RBFOX1: variants seen among roughly 807,000 people sequenced by gnomAD.
The protein encoded by RBFOX1 is RNA binding fox-1 homolog 1, also known as RNA binding protein fox-1 homolog 1.
Under a neutral mutation model 57.7 loss-of-function variants are expected in RBFOX1, and 8 were observed. That is an observed-to-expected ratio of 0.14 (90% CI 0.08 to 0.25). The LOEUF is 0.25. Among genes scored for constraint, RBFOX1 ranks in the 10% least tolerant of loss-of-function variants. The pLI is 1.00. For missense variants in RBFOX1, 611 were observed against 548.5 expected, an observed-to-expected ratio of 1.11 and a Z score of -1.14; for synonymous variants, 326 against 222.4, an observed-to-expected ratio of 1.47 and a Z score of -4.15.
intron 4 of RBFOX1, among the ~76,000 whole-genome samples, chr16:5,950,420 A>G (rs2059496001): frequency 6.6e-6 from 1 of 152,206 alleles, no homozygotes; most frequent in African/African-American, 2.4e-5. Context: ...TCACATTGGC[A>G]GTTCCACATT....
chr16:6,019,690 T>G lies in RBFOX1; in HGVS notation c.-429T>G. 1 of 1,339,650 alleles carries G rather than the reference T, an allele frequency of 7.5e-7. No individual in the cohort carries two copies. The highest frequency in any genetic ancestry group is 9.6e-7 in the Non-Finnish European group (1 of 1,045,538). 83.0% of individuals were successfully genotyped at this position (1,339,650 alleles called of 1,614,324 possible). On this transcript the variant is annotated 5_prime_UTR_variant, in exon 1 of 16. Transcript: ENST00000550418. The surrounding 1 kb of genome is among the most constrained non-coding windows in gnomAD (Gnocchi z 4.2). The stretch of plus-strand genomic sequence containing the variant: ...CGTCCGGAGCAGGAGAACTCCGAGC[T>G]TCTTGCCCAGGCAGAGAGAGCAGGA...
At chr16:6,154,078 G>T (rs1453674401) in intron 1 of RBFOX1, among the ~76,000 whole-genome samples, 1 of 152,188 alleles carries the variant, frequency 6.6e-6, no homozygotes, top group Admixed American at 6.5e-5. Flanking sequence ...GCATAGCCTG[G>T]TGATTCACAC....
chr16:5,352,712 G>A (rs977003837), intron 1 of RBFOX1, among the ~76,000 whole-genome samples: 1 of 152,216 alleles, frequency 6.6e-6, no homozygotes, highest in Non-Finnish European at 1.5e-5. Flanking sequence ...GGAGGCCAAG[G>A]TGGGGGGATT....
At chr16:7,510,162 C>A (rs554533784) in intron 4 of RBFOX1, 2 of 985,820 alleles carry the variant, frequency 2.0e-6, no homozygotes, top group East Asian at 1.1e-4. Context: ...CTCAGCCCCC[C>A]ACCTTCCTCA....
intron 1 of RBFOX1, among the ~76,000 whole-genome samples, chr16:5,317,189 C>A (rs2064264593): frequency 6.6e-6 from 1 of 152,038 alleles, no homozygotes; most frequent in South Asian, 2.1e-4. Context: ...CTTAATAAAT[C>A]CTTTCTTCTC....
intron 2 of RBFOX1, among the ~76,000 whole-genome samples, chr16:5,557,175 G>T (rs560171123): frequency 1.3e-5 from 2 of 152,078 alleles, no homozygotes; most frequent in South Asian, 4.2e-4. Flanking sequence ...CAGGAAAGTC[G>T]TTTGAACCCA....
chr16:6,576,068 C>T (rs1040138768), intron 2 of RBFOX1, among the ~76,000 whole-genome samples: 4 of 152,104 alleles, frequency 2.6e-5, no homozygotes, highest in African/African-American at 9.7e-5. Context: ...GCATGGCAGG[C>T]TCACTGGGCA....
intron 5 of RBFOX1, among the ~76,000 whole-genome samples, chr16:7,528,024 C>G (rs564272098): frequency 1.8e-4 from 28 of 152,148 alleles, no homozygotes; most frequent in Non-Finnish European, 3.5e-4. Flanking sequence ...ACTATCAGTA[C>G]AAGCTGTTCT....
At chr16:7,162,100 G>A (rs2078449240) in intron 4 of RBFOX1, among the ~76,000 whole-genome samples, 1 of 152,196 alleles carries the variant, frequency 6.6e-6, no homozygotes, top group African/African-American at 2.4e-5. Flanking sequence ...TTGGTGTCTT[G>A]CCAGAGAAAC....
At chr16:7,111,004 GT>G (rs920433598) in intron 4 of RBFOX1, among the ~76,000 whole-genome samples, 4 of 152,124 alleles carry the variant, frequency 2.6e-5, no homozygotes, top group Admixed American at 2.6e-4. Flanking sequence ...TTTGTTTGTT[GT>G]TTTTTTCTCC....
chr16:5,794,720 A>C (rs868220544), intron 3 of RBFOX1, among the ~76,000 whole-genome samples: 41 of 152,324 alleles, frequency 2.7e-4, no homozygotes, highest in African/African-American at 7.9e-4. Context: ...GAAACTTACA[A>C]ATAAAGCTGA....
chr16:7,211,590 A>G (rs60246460), intron 4 of RBFOX1, among the ~76,000 whole-genome samples: 25,685 of 152,020 alleles, frequency 0.17, 2,321 homozygotes, highest in East Asian at 0.36. Context: ...AAAGAGAGAG[A>G]AAGAGTTGTT....
intron 4 of RBFOX1, among the ~76,000 whole-genome samples, chr16:7,300,013 C>CG (rs2095993806): frequency 6.6e-6 from 1 of 152,222 alleles, no homozygotes; most frequent in East Asian, 1.9e-4. Context: ...TTGGAAGGAG[C>CG]GGGATGCAAG....
chr16:5,948,761 A>C (rs1399350004), intron 4 of RBFOX1, among the ~76,000 whole-genome samples: 1 of 152,180 alleles, frequency 6.6e-6, no homozygotes, highest in African/African-American at 2.4e-5. Flanking sequence ...TTCAGTCTCC[A>C]GAAGGGTGAG....
chr16:6,592,274 G>C (rs372440977), intron 2 of RBFOX1, among the ~76,000 whole-genome samples: 19 of 152,156 alleles, frequency 1.2e-4, no homozygotes, highest in African/African-American at 3.6e-4. Context: ...GTTGGACATT[G>C]CATACATATT....
At chr16:7,327,514 A>C (rs2096626670) in intron 4 of RBFOX1, among the ~76,000 whole-genome samples, 1 of 152,330 alleles carries the variant, frequency 6.6e-6, no homozygotes, top group East Asian at 1.9e-4. Context: ...TCAATATCCA[A>C]AAGATAAGAA....
At chr16:5,886,184 T>G (rs954719032) in intron 4 of RBFOX1, among the ~76,000 whole-genome samples, 4 of 152,176 alleles carry the variant, frequency 2.6e-5, no homozygotes, top group Non-Finnish European at 5.9e-5. Context: ...CTATTCTTCA[T>G]AAATTCCCCA....
At chr16:6,815,680 C>G (rs919650796) in intron 3 of RBFOX1, among the ~76,000 whole-genome samples, 3 of 152,232 alleles carry the variant, frequency 2.0e-5, no homozygotes, top group African/African-American at 2.4e-5. Context: ...GGATTCAAAC[C>G]TAGACTTGTT....
rs537045369 is a variant in RBFOX1 at position 6,772,832 on chromosome 16, A to G, written c.-16+118182A>G. ...CCTGGGGTGCATTTGTGTGTATGTG[A>G]GTGTATGTGTGGGCATGGGATGCAT... is the stretch of plus-strand genomic sequence containing the variant. On this transcript the variant is annotated intron_variant, in intron 3 of 15. Transcript: ENST00000550418. Among the ~76,000 whole-genome samples, 205 of 37,300 alleles carry G rather than the reference A, an allele frequency of 5.5e-3. 1 individual carries two copies. The highest frequency in any genetic ancestry group is 0.013 in the Middle Eastern group (1 of 76). The allele number at this position is 37,300 out of a possible 152,430, so 24.5% of individuals were successfully genotyped here.
Sources: gnomAD v4.1 joint callset for allele counts (sites outside exome capture counted in the v4.1 genomes callset) on GRCh38, gnomAD v4.1.1 for gene constraint, Gnocchi (gnomAD v3.1) non-coding constraint, MANE v1.5 for transcripts, NCBI Gene and HGNC (gene_info 2026-07-23, HGNC 2026-07-21) for gene names.